The following LRMDA variants were observed in gnomAD, a reference collection of about 807,000 sequenced individuals.
The protein encoded by LRMDA is leucine rich melanocyte differentiation associated, also known as leucine-rich melanocyte differentiation-associated protein.
A neutral mutation model predicts 29.8 loss-of-function variants in LRMDA; 18 were observed. The observed-to-expected ratio is 0.60, with a 90% CI of 0.42 to 0.90. The LOEUF (loss-of-function observed/expected upper bound fraction) is 0.90, where lower values mean the gene tolerates loss of function less well. LRMDA is among the 40% of genes least tolerant of loss of function. The pLI is 0.00. For missense variants in LRMDA, 273 were observed against 273.9 expected, an observed-to-expected ratio of 1.00 and a Z score of 0.02; for synonymous variants, 125 against 109.4, an observed-to-expected ratio of 1.14 and a Z score of -0.89.
At chr10:75,870,484 C>T (rs757075817) in intron 2 of LRMDA, among the ~76,000 whole-genome samples, 8 of 152,238 alleles carry the variant, frequency 5.3e-5, no homozygotes, top group Non-Finnish European at 5.9e-5. Flanking sequence ...GACTCTCTCC[C>T]TTATTCCTTA....
At chr10:75,872,407 G>A (rs1017079698) in intron 2 of LRMDA, among the ~76,000 whole-genome samples, 2 of 152,034 alleles carry the variant, frequency 1.3e-5, no homozygotes, top group African/African-American at 2.4e-5. Context: ...GGGTTCAAGC[G>A]ATTCTCCTGC....
intron 2 of LRMDA, among the ~76,000 whole-genome samples, chr10:75,831,423 A>T (rs1440118740): frequency 6.6e-6 from 1 of 152,168 alleles, no homozygotes; most frequent in Non-Finnish European, 1.5e-5. Flanking sequence ...CTGACACAAG[A>T]CATGGGTTCC....
intron 5 of LRMDA, among the ~76,000 whole-genome samples, chr10:76,259,972 C>T (rs1159953647): frequency 6.6e-6 from 1 of 151,882 alleles, no homozygotes; most frequent in Non-Finnish European, 1.5e-5. Context: ...TATGTCTTTA[C>T]ATGTGAGGTG....
chr10:76,160,450 T>C (rs1480629269), intron 5 of LRMDA, among the ~76,000 whole-genome samples: 1 of 152,126 alleles, frequency 6.6e-6, no homozygotes, highest in Non-Finnish European at 1.5e-5. Context: ...AAATTTTTTT[T>C]CTTAGAGGTA....
At chr10:75,916,396 G>A (rs766332415) in intron 2 of LRMDA, among the ~76,000 whole-genome samples, 1 of 152,080 alleles carries the variant, frequency 6.6e-6, no homozygotes, top group Non-Finnish European at 1.5e-5. Context: ...GCAAGAGAGA[G>A]GCAGCAGGGG....
chr10:75,836,104 T>G (rs180992645), intron 2 of LRMDA, among the ~76,000 whole-genome samples: 1 of 152,144 alleles, frequency 6.6e-6, no homozygotes, highest in Admixed American at 6.6e-5. Flanking sequence ...GAGGTCTGAG[T>G]AAAGGGTTTC....
chr10:75,542,856 T>C (rs1346179529), intron 2 of LRMDA, among the ~76,000 whole-genome samples: 1 of 152,148 alleles, frequency 6.6e-6, no homozygotes, highest in Non-Finnish European at 1.5e-5. Flanking sequence ...TTGCAGGCCC[T>C]TCGGAAATCT....
chr10:76,539,585 G>A (rs1467348100), intron 6 of LRMDA, among the ~76,000 whole-genome samples: 1 of 152,106 alleles, frequency 6.6e-6, no homozygotes, highest in African/African-American at 2.4e-5. Flanking sequence ...GGTGGGCAGA[G>A]GGCCTGAGCA....
intron 2 of LRMDA, among the ~76,000 whole-genome samples, chr10:75,724,142 A>C (rs1215419361): frequency 6.6e-6 from 1 of 152,212 alleles, no homozygotes; most frequent in Non-Finnish European, 1.5e-5. Context: ...TAGACTCATG[A>C]CATTATATGG....
chr10:75,498,694 G>C (rs556808821), intron 2 of LRMDA, among the ~76,000 whole-genome samples: 2 of 152,258 alleles, frequency 1.3e-5, no homozygotes, highest in South Asian at 4.1e-4. Flanking sequence ...TGTGCTGCTT[G>C]ACTAAGTGGG....
At chr10:76,340,536 A>AG (rs1554869136) in intron 6 of LRMDA, among the ~76,000 whole-genome samples, 4 of 149,808 alleles carry the variant, frequency 2.7e-5, no homozygotes, top group East Asian at 3.9e-4. Flanking sequence ...AAAAAAAAAA[A>AG]AGAGAGAGAG....
intron 5 of LRMDA, among the ~76,000 whole-genome samples, chr10:76,294,914 C>T (rs1036386434): frequency 6.6e-6 from 1 of 152,154 alleles, no homozygotes; most frequent in South Asian, 2.1e-4. Flanking sequence ...GGGATTCATA[C>T]AGTTCACCCA....
intron 2 of LRMDA, among the ~76,000 whole-genome samples, chr10:75,699,759 T>C (rs1034607691): frequency 6.6e-6 from 1 of 152,152 alleles, no homozygotes; most frequent in African/African-American, 2.4e-5. Flanking sequence ...TTACCTTATA[T>C]GGAAAAAGGG....
intron 2 of LRMDA, among the ~76,000 whole-genome samples, chr10:75,471,975 C>T (rs556099531): frequency 6.8e-4 from 103 of 152,254 alleles, no homozygotes; most frequent in African/African-American, 2.4e-3. Flanking sequence ...CTGGGCCCTT[C>T]AGAAACCCCT....
intron 6 of LRMDA, among the ~76,000 whole-genome samples, chr10:76,490,633 A>G (rs762785710): frequency 2.0e-4 from 31 of 152,006 alleles, no homozygotes; most frequent in Admixed American, 6.6e-4. Context: ...GACATAGGAT[A>G]TCTTTTTCCA....
chr10:76,023,354 C>G (rs916561381), intron 2 of LRMDA, among the ~76,000 whole-genome samples: 1 of 152,156 alleles, frequency 6.6e-6, no homozygotes, highest in Non-Finnish European at 1.5e-5. Flanking sequence ...GAGTTCTTTT[C>G]TCCCCTAACT....
In LRMDA at chr10:75,854,526, T is replaced by A. The variant is rs553592203; in HGVS notation, c.132-181482T>A. Among the ~76,000 whole-genome samples, 404 of 152,298 alleles carry A rather than the reference T, an allele frequency of 2.7e-3. 1 individual carries two copies. Among genetic ancestry groups the A allele is most frequent in the Middle Eastern group, 6.8e-3 (2 of 294 alleles). On this transcript the variant is annotated intron_variant, in intron 2 of 6. Transcript: ENST00000611255. ...TAGAAACAGTGGCATATTGAAATAA[T>A]CAAGGCTTTGGAAAAATGACCAATT...
At chr10:75,889,548 C>T (rs1466314289) in intron 2 of LRMDA, among the ~76,000 whole-genome samples, 1 of 152,092 alleles carries the variant, frequency 6.6e-6, no homozygotes, top group African/African-American at 2.4e-5. Flanking sequence ...GGTATTAAAT[C>T]ATGCTTAAAG....
chr10:75,952,777 G>A (rs962287502), intron 2 of LRMDA, among the ~76,000 whole-genome samples: 18 of 151,872 alleles, frequency 1.2e-4, no homozygotes, highest in African/African-American at 4.4e-4. Flanking sequence ...TCTTTTTTGA[G>A]ACAGAGTCTT....
Sources: gnomAD v4.1 joint callset for allele counts (sites outside exome capture counted in the v4.1 genomes callset) on GRCh38, gnomAD v4.1.1 for gene constraint, MANE v1.5 for transcripts, NCBI Gene and HGNC (gene_info 2026-07-23, HGNC 2026-07-21) for gene names.